The following UNC13A variants were observed in gnomAD, a reference collection of about 807,000 sequenced individuals.
UNC13A encodes the protein unc-13 homolog A, also known as protein unc-13 homolog A.
In UNC13A, 61 loss-of-function variants were observed where a neutral mutation model predicts 219.7. The ratio of observed to expected loss-of-function variants is 0.28; its 90% CI spans 0.23 to 0.34. The LOEUF is 0.34. UNC13A is among the 10% of genes least tolerant of loss of function. The pLI, the probability that UNC13A is intolerant of heterozygous loss-of-function variation, is 1.00. For missense variants in UNC13A, 1,476 were observed against 2,270.3 expected, an observed-to-expected ratio of 0.65 and a Z score of 7.11; for synonymous variants, 920 against 884.6, an observed-to-expected ratio of 1.04 and a Z score of -0.71.
intron 36 of UNC13A, 50 bp from the exon 37 acceptor site, chr19:17,621,920 G>T (rs2076733514): frequency 6.3e-7 from 1 of 1,590,816 alleles, no homozygotes; most frequent in South Asian, 1.1e-5. Flanking sequence ...CGTGCAGGGT[G>T]GGAAGCTGGG....
rs1295647002 is a variant in UNC13A, at chr19:17,618,886, A to G, written c.4329+20T>C. 6.2e-7 allele frequency: 1 copy of G among 1,613,670 alleles called. No individual in the cohort carries two copies. The highest frequency in any genetic ancestry group is 8.5e-7 in the Non-Finnish European group (1 of 1,179,704). The stretch of plus-strand genomic sequence containing the variant: ...TTTGGGGGGCAGTCCCTCACGCCAT[A>G]ATCTATCCCCACTCCTCACCTTGAG... On this transcript the variant is annotated intron_variant, in intron 39 of 43. Coordinates refer to ENST00000519716, the MANE Select transcript of UNC13A (RefSeq NM_001080421.3).
chr19:17,669,545 G>A lies in UNC13A; in HGVS notation c.394+8C>T, dbSNP rs758130248. Reference sequence around the variant, plus strand: ...GGCTGGGTGAAGGTCCCGGGCCCCTGTACTCACCTAAGGGTAGCTCAAAGC... The same window carrying A: ...GGCTGGGTGAAGGTCCCGGGCCCCTATACTCACCTAAGGGTAGCTCAAAGC... On this transcript the variant is annotated splice_region_variant and intron_variant, in intron 5 of 43. Coordinates refer to ENST00000519716, the MANE Select transcript of UNC13A (RefSeq NM_001080421.3). 9 of 1,613,266 alleles carry A rather than the reference G, an allele frequency of 5.6e-6. No individual in the cohort carries two copies. The highest frequency in any genetic ancestry group is 1.1e-5 in the South Asian group (1 of 91,010).
In UNC13A at chr19:17,617,952, A is replaced by G; in HGVS notation, c.4411-103T>C. 2.1e-6 allele frequency: 3 copies of G among 1,440,344 alleles called. No homozygotes were observed. The South Asian group carries it at 3.8e-5, about 18-fold the overall frequency. The allele number at this position is 1,440,344 out of a possible 1,614,324, so 89.2% of individuals were successfully genotyped here. ...CCCACTCCCAATTCTTCCCGCTACT[A>G]CTTTCTCACCTCTTCCTTTGCTTTG... On this transcript the variant is annotated intron_variant, in intron 40 of 43. Coordinates refer to ENST00000519716, the MANE Select transcript of UNC13A (RefSeq NM_001080421.3).
intron 8 of UNC13A, among the ~76,000 whole-genome samples, chr19:17,662,191 G>A (rs1034310038): frequency 4.6e-5 from 7 of 151,806 alleles, no homozygotes; most frequent in South Asian, 2.1e-4. Context: ...GCAGTGAGGC[G>A]AGATTGCGCC....
intron 1 of UNC13A, among the ~76,000 whole-genome samples, chr19:17,683,746 A>G (rs1014593601): frequency 6.6e-6 from 1 of 152,098 alleles, no homozygotes; most frequent in African/African-American, 2.4e-5. Context: ...ACCCTCACCT[A>G]AATTCACTGA....
chr19:17,667,705 C>T (rs2145896705), intron 6 of UNC13A, among the ~76,000 whole-genome samples: 1 of 151,606 alleles, frequency 6.6e-6, no homozygotes, highest in South Asian at 2.1e-4. Flanking sequence ...GAACTCCTGG[C>T]CTCAAATAAT....
chr19:17,648,364 C>T, intron 16 of UNC13A, 67 bp downstream of exon 16: 1 of 1,057,552 alleles, frequency 9.5e-7, no homozygotes, highest in Non-Finnish European at 1.2e-6. Context: ...TTCAGCCTTT[C>T]CCCGCCATGC....
At chr19:17,636,183 T>G (rs776486525) in intron 25 of UNC13A, 26 bp from the exon 26 acceptor site, 2 of 1,568,604 alleles carry the variant, frequency 1.3e-6, no homozygotes, top group Non-Finnish European at 1.7e-6. Context: ...GAGACCTCGG[T>G]TATAGGGGGT....
chr19:17,656,011 C>T lies in UNC13A; in HGVS notation c.1155G>A (p.Glu385=), dbSNP rs75030814. ...ISLPPAAPGK[E]DKAPVAPTEA... ...CGGTGGGTGCCACTGGGGCCTTGTC[C>T]TCCTTCCCTGGGGCAGCTGGCGGGA... Residue 385 remains glutamate (E), a synonymous_variant, in exon 10 of 44, where the codon GAG becomes GAA. Transcript: ENST00000519716. 4.6e-4 allele frequency: 731 copies of T among 1,580,562 alleles called. 15 individuals are homozygous for T. In the East Asian group the frequency reaches 0.016, roughly 36 times the overall value.
intron 43 of UNC13A, among the ~76,000 whole-genome samples, chr19:17,608,192 G>C (rs1476689559): frequency 1.4e-5 from 2 of 145,518 alleles, no homozygotes; most frequent in Admixed American, 1.4e-4. Context: ...GATTACAGGC[G>C]CCCACCACAA....
intron 40 of UNC13A, 51 bp from the exon 41 acceptor site, chr19:17,617,900 C>A (rs1397857514): frequency 6.2e-7 from 1 of 1,605,510 alleles, no homozygotes; most frequent in Non-Finnish European, 8.5e-7. Flanking sequence ...CCTCTACCCA[C>A]TCATAGGGCT....
At position 17,630,360 on chromosome 19, in the gene UNC13A, C is replaced by A. The variant is rs2076829975; in HGVS notation, c.3526-72G>T. On this transcript the variant is annotated intron_variant, in intron 29 of 43. Coordinates refer to ENST00000519716, the MANE Select transcript of UNC13A (RefSeq NM_001080421.3). ...GAATCCCTAGAGCCCAACTCTCCCA[C>A]TCTCCACGGGGAGAGCCAGAGACCA... The A allele has an allele frequency of 2.0e-6, 3 of 1,534,962 alleles. No homozygotes were observed. In the South Asian group the frequency reaches 3.7e-5, roughly 19 times the overall value.
rs1488442614 is a variant in UNC13A at position 17,610,026 on chromosome 19, C to A, written c.4725G>T (p.Gly1575=). The change falls in exon 43 of 44, where the codon GGG becomes GGT. Residue 1575 remains glycine (G), a synonymous_variant. Transcript: ENST00000519716. Reference sequence around the variant, plus strand: ...TGCGTTTCTTGTCGCTGAGCTGGGGCCCAATGATGTTGACCTCGATGAACG... The same window carrying A: ...TGCGTTTCTTGTCGCTGAGCTGGGGACCAATGATGTTGACCTCGATGAACG... ...FRPFIEVNII[G]PQLSDKKRKF... is the part of the protein sequence containing the mutation. The A allele has an allele frequency of 2.5e-6, 4 of 1,614,054 alleles. No homozygotes were observed. The highest frequency in any genetic ancestry group is 3.4e-6 in the Non-Finnish European group (4 of 1,179,902).
Position 17,656,117 on chromosome 19 carries a change from T to C in UNC13A, c.1049A>G (p.Glu350Gly). The change falls in exon 10 of 44, where the codon GAG becomes GGG. Residue 350 changes from glutamate to glycine, a missense_variant. This residue lies in a region of UNC13A where 351 missense variants were observed against 342.6 expected (regional missense o/e 1.02). Transcript: ENST00000519716. ...DEEELEEEEE[E>G]VPDDLGSYAQ... ...ATAGCTGCCCAAATCGTCAGGCACCTCCTCCTCCTCCTCCTCCAGCTCCTC... is the reference window on the plus strand; with the variant it reads ...ATAGCTGCCCAAATCGTCAGGCACCCCCTCCTCCTCCTCCTCCAGCTCCTC... 8.9e-7 allele frequency: 1 copy of C among 1,122,456 alleles called. No homozygotes were observed. Among genetic ancestry groups the C allele is most frequent in the Non-Finnish European group, 1.3e-6 (1 of 789,544 alleles). 69.5% of individuals were successfully genotyped at this position (1,122,456 alleles called of 1,614,324 possible).
chr19:17,615,549 C>T (rs912907168), intron 41 of UNC13A, among the ~76,000 whole-genome samples: 24 of 152,028 alleles, frequency 1.6e-4, no homozygotes, highest in Non-Finnish European at 8.8e-5. Flanking sequence ...CGTGGTGGTG[C>T]GGGCCTGTAA....
intron 11 of UNC13A, 69 bp downstream of exon 11, chr19:17,655,205 A>G: frequency 2.2e-6 from 3 of 1,336,114 alleles, no homozygotes; most frequent in Non-Finnish European, 3.1e-6. Flanking sequence ...TGGCCAAAAC[A>G]TGTGTGGGCC....
Position 17,652,492 on chromosome 19 carries a change from C to CG in UNC13A, c.1439+138dup, listed in dbSNP as rs1332243114. 4.1e-6 allele frequency: 4 copies of CG among 966,488 alleles called. No homozygotes were observed. The African/African-American group carries it at 6.4e-5, about 16-fold the overall frequency. The allele number at this position is 966,488 out of a possible 1,614,324, so 59.9% of individuals were successfully genotyped here. ...ATGGCTGTGTGCCTTATGAAAGTGACGTATTTTGCCCAAGCTCAATCTGTC... is the reference window on the plus strand; with the variant it reads ...ATGGCTGTGTGCCTTATGAAAGTGACGGTATTTTGCCCAAGCTCAATCTGTC... On this transcript the variant is annotated intron_variant, in intron 12 of 43. Coordinates refer to ENST00000519716, the MANE Select transcript of UNC13A (RefSeq NM_001080421.3).
intron 41 of UNC13A, among the ~76,000 whole-genome samples, chr19:17,617,182 A>G: frequency 6.6e-6 from 1 of 152,022 alleles, no homozygotes; most frequent in East Asian, 1.9e-4. Flanking sequence ...TGGACCTGCC[A>G]ATCATTCCTT....
At chr19:17,648,354 T>G (rs1171363083) in intron 16 of UNC13A, 77 bp downstream of exon 16, 1 of 650,108 alleles carries the variant, frequency 1.5e-6, no homozygotes, top group Non-Finnish European at 1.9e-6. Flanking sequence ...CGCCTTGCCC[T>G]TCAGCCTTTC....
Sources: allele counts gnomAD v4.1 joint callset (sites outside exome capture counted in the v4.1 genomes callset), GRCh38; gene constraint gnomAD v4.1.1; regional missense constraint gnomAD v4.1.1; transcripts MANE v1.5; gene names NCBI Gene and HGNC (gene_info 2026-07-23, HGNC 2026-07-21).